The following SLIT1 variants were observed in gnomAD, a reference collection of about 807,000 sequenced individuals.
The protein encoded by SLIT1 is slit homolog 1 protein.
Under a neutral mutation model 186.1 loss-of-function variants are expected in SLIT1, and 66 were observed. The ratio of observed to expected loss-of-function variants is 0.35; its 90% confidence interval spans 0.29 to 0.44. SLIT1 has a LOEUF of 0.44. Ranked by LOEUF, SLIT1 falls within the 20% of genes least tolerant of loss-of-function variation. The probability of loss-of-function intolerance (pLI) is 1.00; values close to 1 mark genes in which losing one functional copy is unlikely to be tolerated. For missense variants in SLIT1, 1,638 were observed against 2,037.4 expected (o/e 0.80, Z 3.77); for synonymous variants, 761 against 833.8 (o/e 0.91, Z 1.50).
chr10:97,004,192 G>A lies in SLIT1; in HGVS notation c.3741C>T (p.His1247=), dbSNP rs1848338885. The A allele has an allele frequency of 1.9e-6, 3 of 1,611,968 alleles. No individual in the cohort carries two copies. Among genetic ancestry groups the A allele is most frequent in the Non-Finnish European group, 2.5e-6 (3 of 1,178,252 alleles). The change falls in exon 34 of 37, where the codon CAC becomes CAT. Residue 1247 remains histidine, a synonymous_variant. Coordinates refer to ENST00000266058, the MANE Select transcript of SLIT1 (RefSeq NM_003061.3). This position sits in a 1 kb window ranked among gnomAD's most constrained non-coding sequence, Gnocchi z 5.1. ...GGTCAAAGGCAACCAGCTCAACGGT[G>A]TGGAATTGCCCATCGTTGATCGTCT... ...SAETINDGQF[H]TVELVAFDQM...
chr10:97,072,263 AT>A, intron 4 of SLIT1, among the ~76,000 whole-genome samples: 1 of 152,160 alleles, frequency 6.6e-6, no homozygotes, highest in Non-Finnish European at 1.5e-5. Flanking sequence ...GGCTCAGGTG[AT>A]TTTCCTCTCT....
chr10:97,039,057 C>T (rs1438149289), intron 21 of SLIT1, among the ~76,000 whole-genome samples: 1 of 152,122 alleles, frequency 6.6e-6, no homozygotes, highest in African/African-American at 2.4e-5. Flanking sequence ...ACGGGGCAGG[C>T]CAGGCCCAGG....
Position 97,064,790 on chromosome 10 carries a change from C to T in SLIT1, c.557+15G>A, listed in dbSNP as rs377156238. 5.9e-5 allele frequency: 94 copies of T among 1,598,038 alleles called. No individual in the cohort carries two copies. Among genetic ancestry groups the T allele is most frequent in the Non-Finnish European group, 7.3e-5 (85 of 1,171,116 alleles). ...GCCCTCCACACCCCTCCTTCCTTTT[C>T]CATGCTTTACTTACAGCACCTCCAG... On this transcript the variant is annotated intron_variant, in intron 6 of 36. Coordinates refer to ENST00000266058, the MANE Select transcript of SLIT1 (RefSeq NM_003061.3).
chr10:97,067,261 T>G (rs1848956670), intron 4 of SLIT1, among the ~76,000 whole-genome samples: 1 of 152,174 alleles, frequency 6.6e-6, no homozygotes, highest in Admixed American at 6.5e-5. Context: ...TCAGCCTCAG[T>G]GACTGCCAGG....
At chr10:97,174,708 C>T (rs1850234508) in intron 1 of SLIT1, among the ~76,000 whole-genome samples, 1 of 152,192 alleles carries the variant, frequency 6.6e-6, no homozygotes, top group South Asian at 2.1e-4. Context: ...CGCAGTAGTA[C>T]CTGGCTCAGA....
At chr10:97,113,880 TC>T (rs1393240210) in intron 4 of SLIT1, among the ~76,000 whole-genome samples, 1 of 152,164 alleles carries the variant, frequency 6.6e-6, no homozygotes, top group Admixed American at 6.5e-5. Context: ...ATTTTATGGA[TC>T]TTCCAAAGGG....
intron 13 of SLIT1, among the ~76,000 whole-genome samples, chr10:97,055,484 C>T (rs1171390967): frequency 6.6e-6 from 1 of 152,030 alleles, no homozygotes. Context: ...ACTTTAGCCT[C>T]CCAGGTAGCT....
chr10:97,180,621 G>C (rs866385717), intron 1 of SLIT1, among the ~76,000 whole-genome samples: 1 of 152,208 alleles, frequency 6.6e-6, no homozygotes, highest in Non-Finnish European at 1.5e-5. Context: ...TGGCAGAGTG[G>C]GGCTAAAAAC....
rs2087349787 is a variant in SLIT1, at chr10:96,999,888, C to A, written c.*1224G>T. 1 of 152,266 alleles carries A rather than the reference C, an allele frequency of 6.6e-6. No homozygotes were observed. Among genetic ancestry groups the A allele is most frequent in the East Asian group, 1.9e-4 (1 of 5,198 alleles). 9.4% of individuals were successfully genotyped at this position (152,266 alleles called of 1,614,324 possible). ...AGGCCAGAACGTCCACAATCCCCAG[C>A]CCCGGGTTAGGCACATAAATACTTT... On this transcript the variant is annotated 3_prime_UTR_variant, in exon 37 of 37. Coordinates refer to ENST00000266058, the MANE Select transcript of SLIT1 (RefSeq NM_003061.3).
Position 96,999,316 on chromosome 10 carries a change from A to C in SLIT1, c.*1796T>G, listed in dbSNP as rs1468800446. ...CAGGGCACTGCCCTCTTCCCATCAC[A>C]GGGACCCCAGGACTCACAGTTGCTA... is the stretch of plus-strand genomic sequence containing the variant. On this transcript the variant is annotated 3_prime_UTR_variant, in exon 37 of 37. Transcript: ENST00000266058. 2 of 152,258 alleles carry C rather than the reference A, an allele frequency of 1.3e-5. No individual in the cohort carries two copies. Among genetic ancestry groups the C allele is most frequent in the East Asian group, 3.9e-4 (2 of 5,188 alleles). The allele number at this position is 152,258 out of a possible 1,614,324, so 9.4% of individuals were successfully genotyped here. A position where few individuals can be genotyped will look rare whatever the true frequency, so the allele number is the denominator to read the frequency against.
chr10:97,150,974 A>T (rs976916436), intron 4 of SLIT1, among the ~76,000 whole-genome samples: 2 of 150,606 alleles, frequency 1.3e-5, no homozygotes, highest in African/African-American at 2.4e-5. Flanking sequence ...AAACCTAGGT[A>T]ACCCCCCACC....
At chr10:97,172,800 G>T (rs1850207276) in intron 1 of SLIT1, among the ~76,000 whole-genome samples, 3 of 152,164 alleles carry the variant, frequency 2.0e-5, no homozygotes, top group East Asian at 1.9e-4. Flanking sequence ...AGACTGAGGT[G>T]GGGGGATCAC....
chr10:97,006,026 C>T lies in SLIT1; in HGVS notation c.3579+457G>A, dbSNP rs1848356899. On this transcript the variant is annotated intron_variant, in intron 32 of 36. Transcript: ENST00000266058. The surrounding 1 kb of genome is among the most constrained non-coding windows in gnomAD (Gnocchi z 4.0). ...GCTGAAGTGGGAATTGCTTTATTTTCCCCTCAACATGAAGATGTTCTGAGA... is the reference window on the plus strand; with the variant it reads ...GCTGAAGTGGGAATTGCTTTATTTTTCCCTCAACATGAAGATGTTCTGAGA... 6.6e-6 allele frequency among the ~76,000 whole-genome samples: 1 copy of T among 152,130 alleles called. No individual in the cohort carries two copies.
chr10:97,076,237 C>T (rs1849044615), intron 4 of SLIT1, among the ~76,000 whole-genome samples: 1 of 152,212 alleles, frequency 6.6e-6, no homozygotes, highest in South Asian at 2.1e-4. Flanking sequence ...GCATCTCCAG[C>T]ATTGCCAGGA....
chr10:97,064,047 G>A, intron 7 of SLIT1, 121 bp downstream of exon 7: 3 of 817,466 alleles, frequency 3.7e-6, no homozygotes, highest in Admixed American at 4.1e-5. Flanking sequence ...GCTGGCCTCT[G>A]GGGGTCTGAG....
At chr10:97,058,051 G>A (rs1047756917) in intron 11 of SLIT1, 1 of 717,528 alleles carries the variant, frequency 1.4e-6, no homozygotes, top group African/African-American at 1.7e-5. Flanking sequence ...CAAAGGCCCT[G>A]CAGTGGGAGC....
In SLIT1 at chr10:96,999,069, T is replaced by C. The variant is rs1258228279; in HGVS notation, c.*2043A>G. 2 of 152,276 alleles carry C rather than the reference T, an allele frequency of 1.3e-5. No individual in the cohort carries two copies. Among genetic ancestry groups the C allele is most frequent in the Non-Finnish European group, 2.9e-5 (2 of 68,094 alleles). 9.4% of individuals were successfully genotyped at this position (152,276 alleles called of 1,614,324 possible). ...CAAGCTAGCTGCCCTTGAGCTTTTC[T>C]GCCCTATCCAGCCCGGTGCAGATGC... On this transcript the variant is annotated 3_prime_UTR_variant, in exon 37 of 37. Transcript: ENST00000266058.
chr10:97,063,627 G>A lies in SLIT1; in HGVS notation c.630-9C>T, dbSNP rs538668074. On this transcript the variant is annotated splice_polypyrimidine_tract_variant and intron_variant, in intron 7 of 36. Transcript: ENST00000266058. Reference sequence around the variant, plus strand: ...GGTTGGAGTGCAGGCGGCTGCAAGAGGACAGGATGGCTCACAACCCATCTG... The same window carrying A: ...GGTTGGAGTGCAGGCGGCTGCAAGAAGACAGGATGGCTCACAACCCATCTG... 1.4e-4 allele frequency: 223 copies of A among 1,590,678 alleles called. 2 individuals carry two copies. In the South Asian group the frequency reaches 1.9e-3, roughly 14 times the overall value.
intron 22 of SLIT1, among the ~76,000 whole-genome samples, chr10:97,036,004 C>A (rs1002154621): frequency 2.6e-5 from 4 of 152,126 alleles, no homozygotes; most frequent in Non-Finnish European, 4.4e-5. Flanking sequence ...ATCACCCACA[C>A]GACTTTATGC....
Sources: gnomAD v4.1 joint callset for allele counts (sites outside exome capture counted in the v4.1 genomes callset) on GRCh38, gnomAD v4.1.1 for gene constraint, Gnocchi (gnomAD v3.1) non-coding constraint, MANE v1.5 for transcripts, NCBI Gene and HGNC (gene_info 2026-07-23, HGNC 2026-07-21) for gene names.